RARB: variants seen among roughly 807,000 people sequenced by gnomAD.
RARB encodes HBV-activated protein.
Under a neutral mutation model 51.9 loss-of-function variants are expected in RARB, and 17 were observed. The observed-to-expected ratio is 0.33, with a 90% CI of 0.22 to 0.49. The LOEUF (loss-of-function observed/expected upper bound fraction) is 0.49, where lower values mean the gene tolerates loss of function less well. Among genes scored for constraint, RARB ranks in the 20% least tolerant of loss-of-function variants. The probability of loss-of-function intolerance (pLI) is 0.99; values close to 1 mark genes in which losing one functional copy is unlikely to be tolerated. For synonymous variants in RARB, 215 were observed against 195.4 expected (o/e 1.10, Z -0.84); for missense variants, 369 against 550.8 (o/e 0.67, Z 3.30).
intron 3 of RARB, among the ~76,000 whole-genome samples, chr3:25,087,925 G>A (rs1046585326): frequency 1.3e-5 from 2 of 151,490 alleles, no homozygotes; most frequent in African/African-American, 4.9e-5. Flanking sequence ...ATTTTTATGT[G>A]GGGCATGTAA....
intron 5 of RARB, among the ~76,000 whole-genome samples, chr3:25,415,772 G>C (rs1331742221): frequency 6.6e-6 from 1 of 152,206 alleles, no homozygotes; most frequent in Non-Finnish European, 1.5e-5. Context: ...GGCTCTGCTA[G>C]TCAGTGTCTT....
At position 25,227,068 on chromosome 3, in the gene RARB, A is replaced by G. The variant is rs139729253; in HGVS notation, c.178+52493A>G. Among the ~76,000 whole-genome samples the G allele has an allele frequency of 2.0e-5, 3 of 152,364 alleles. No homozygotes were observed. In the East Asian group the frequency reaches 5.8e-4, roughly 29 times the overall value. On this transcript the variant is annotated intron_variant, in intron 5 of 11. Transcript: ENST00000383772. The stretch of plus-strand genomic sequence containing the variant: ...CACTATTCCAGAACTGCTGGGTCAG[A>G]CACTGTAAAGATGTTGCTTAGGAGA...
At chr3:25,222,516 A>G (rs13096074) in intron 5 of RARB, among the ~76,000 whole-genome samples, 16,062 of 152,190 alleles carry the variant, frequency 0.11, 1,051 homozygotes, top group South Asian at 0.26. Context: ...ATAGATTAAA[A>G]AAACTTACAC....
At chr3:25,297,473 T>C (rs187496872) in intron 5 of RARB, among the ~76,000 whole-genome samples, 81 of 138,432 alleles carry the variant, frequency 5.9e-4, no homozygotes, top group African/African-American at 1.8e-3. Flanking sequence ...TTTAGACTGG[T>C]CAAAGGTATT....
intron 3 of RARB, among the ~76,000 whole-genome samples, chr3:25,529,683 T>A (rs577862580): frequency 1.3e-5 from 2 of 152,240 alleles, no homozygotes; most frequent in African/African-American, 4.8e-5. Flanking sequence ...CATATCTTGA[T>A]CATAGTGGTT....
At chr3:24,876,707 T>C (rs1463561558) in intron 2 of RARB, among the ~76,000 whole-genome samples, 1 of 152,136 alleles carries the variant, frequency 6.6e-6, no homozygotes, top group East Asian at 1.9e-4. Flanking sequence ...CCACAATATA[T>C]TAATTGCTGG....
At chr3:24,948,234 C>T (rs1043711668) in intron 2 of RARB, among the ~76,000 whole-genome samples, 1 of 134,042 alleles carries the variant, frequency 7.5e-6, no homozygotes, top group Non-Finnish European at 1.6e-5. Context: ...ATAGGTAGCA[C>T]ATCCCCCCTG....
chr3:25,388,419 C>T (rs547176011), intron 5 of RARB, among the ~76,000 whole-genome samples: 2 of 152,210 alleles, frequency 1.3e-5, no homozygotes, highest in African/African-American at 4.8e-5. Context: ...GATATGTCTT[C>T]TTTAATATCA....
At chr3:25,507,577 C>A (rs1401332653) in intron 3 of RARB, among the ~76,000 whole-genome samples, 1 of 152,154 alleles carries the variant, frequency 6.6e-6, no homozygotes, top group Non-Finnish European at 1.5e-5. Context: ...TCTTCTAGGG[C>A]TTTTGCCAGT....
chr3:24,840,416 G>C (rs1250124856), intron 1 of RARB, among the ~76,000 whole-genome samples: 2 of 152,140 alleles, frequency 1.3e-5, no homozygotes, highest in African/African-American at 2.4e-5. Flanking sequence ...GAGGTGGATG[G>C]AGGGTTTTCC....
At chr3:25,397,988 A>G (rs1207994948) in intron 5 of RARB, among the ~76,000 whole-genome samples, 1 of 152,074 alleles carries the variant, frequency 6.6e-6, no homozygotes, top group African/African-American at 2.4e-5. Context: ...TTTTTCCTAT[A>G]GTCTTTAAAA....
At chr3:25,129,474 T>C (rs1699911447) in intron 3 of RARB, among the ~76,000 whole-genome samples, 1 of 152,114 alleles carries the variant, frequency 6.6e-6, no homozygotes, top group African/African-American at 2.4e-5. Flanking sequence ...AAATAACTTA[T>C]CTCAAGACCA....
chr3:24,935,226 A>G (rs755314494), intron 2 of RARB, among the ~76,000 whole-genome samples: 8 of 152,168 alleles, frequency 5.3e-5, no homozygotes, highest in Non-Finnish European at 1.0e-4. Context: ...ACGTTTAGGT[A>G]TAGAACAAAG....
At chr3:25,222,347 G>C (rs1460339105) in intron 5 of RARB, among the ~76,000 whole-genome samples, 3 of 152,094 alleles carry the variant, frequency 2.0e-5, no homozygotes, top group Admixed American at 6.6e-5. Context: ...TCTTATTGCT[G>C]ATGTTCTTAC....
chr3:25,251,847 C>G (rs1164010384), intron 5 of RARB, among the ~76,000 whole-genome samples: 2 of 151,988 alleles, frequency 1.3e-5, no homozygotes, highest in Non-Finnish European at 2.9e-5. Flanking sequence ...ATTTGAAGTA[C>G]AAATGTTTTC....
At chr3:25,114,090 G>A (rs1699646935) in intron 3 of RARB, among the ~76,000 whole-genome samples, 1 of 152,190 alleles carries the variant, frequency 6.6e-6, no homozygotes, top group Non-Finnish European at 1.5e-5. Flanking sequence ...TCAAAAGAAT[G>A]CAACTTGCAT....
At chr3:25,309,515 T>TG (rs1704237329) in intron 5 of RARB, among the ~76,000 whole-genome samples, 1 of 109,454 alleles carries the variant, frequency 9.1e-6, no homozygotes, top group Non-Finnish European at 1.8e-5. Flanking sequence ...TTTTTTTTTT[T>TG]GAGATAGAGT....
At chr3:25,513,062 G>A (rs1043822989) in intron 3 of RARB, among the ~76,000 whole-genome samples, 1 of 149,394 alleles carries the variant, frequency 6.7e-6, no homozygotes, top group South Asian at 2.1e-4. Flanking sequence ...GGTGGATCAC[G>A]AGGTCAGGAG....
chr3:24,988,263 G>A (rs532641858), intron 2 of RARB, among the ~76,000 whole-genome samples: 1 of 152,148 alleles, frequency 6.6e-6, no homozygotes. Flanking sequence ...TAAAGTAAAA[G>A]CCATGCTTTG....
Sources: gnomAD v4.1 joint callset for allele counts (sites outside exome capture counted in the v4.1 genomes callset) on GRCh38, gnomAD v4.1.1 for gene constraint, MANE v1.5 for transcripts, NCBI Gene and HGNC (gene_info 2026-07-23, HGNC 2026-07-21) for gene names.